Variants in PLXNA4 observed in about 807,000 individuals in gnomAD.
PLXNA4 encodes plexin-A4.
In PLXNA4, 44 loss-of-function variants were observed where a neutral mutation model predicts 191.8. The ratio of observed to expected loss-of-function variants is 0.23; its 90% CI spans 0.18 to 0.29. The LOEUF is 0.29. Ranked by LOEUF, PLXNA4 falls within the 10% of genes least tolerant of loss-of-function variation. The pLI is 1.00. For missense variants in PLXNA4, 1,800 were observed against 2,488.8 expected (o/e 0.72, Z 5.89); for synonymous variants, 1,082 against 1,009.5 (o/e 1.07, Z -1.36).
intron 2 of PLXNA4, among the ~76,000 whole-genome samples, chr7:132,588,144 G>A (rs1331019582): frequency 1.3e-5 from 2 of 152,020 alleles, no homozygotes; most frequent in South Asian, 2.1e-4. Context: ...GGCCTCAGGC[G>A]ATGAACTCAG....
At chr7:132,144,787 G>T (rs1778581209) in intron 29 of PLXNA4, among the ~76,000 whole-genome samples, 2 of 152,188 alleles carry the variant, frequency 1.3e-5, no homozygotes, top group African/African-American at 4.8e-5. Context: ...GCACCCAGGA[G>T]GTACTTGGAT....
At chr7:132,130,829 T>C (rs1419222790) in intron 31 of PLXNA4, among the ~76,000 whole-genome samples, 1 of 152,140 alleles carries the variant, frequency 6.6e-6, no homozygotes, top group Non-Finnish European at 1.5e-5. Context: ...AATGACTGTG[T>C]GCATTCTACT....
rs151267135 is a variant in PLXNA4, at chr7:132,585,911, G to T, written c.-87+60017C>A. Among the ~76,000 whole-genome samples the T allele has an allele frequency of 5.1e-3, 778 of 152,314 alleles. 14 individuals carry two copies. Among genetic ancestry groups the T allele is most frequent in the African/African-American group, 0.018 (752 of 41,554 alleles). ...GCTTCAACATACGAATTGAGAGTGG[G>T]ATGACACATTTAGTCCATAGCAATC... is the stretch of plus-strand genomic sequence containing the variant. On this transcript the variant is annotated intron_variant, in intron 2 of 4. Transcript: ENST00000378539.
chr7:132,323,124 C>G (rs1299803143), intron 3 of PLXNA4, among the ~76,000 whole-genome samples: 1 of 152,226 alleles, frequency 6.6e-6, no homozygotes, highest in African/African-American at 2.4e-5. Flanking sequence ...GACCACTGAA[C>G]TGTGATCCCC....
At chr7:132,347,414 C>A (rs150535010) in intron 3 of PLXNA4, among the ~76,000 whole-genome samples, 2 of 152,164 alleles carry the variant, frequency 1.3e-5, no homozygotes, top group African/African-American at 4.8e-5. Flanking sequence ...TGGATTCCCA[C>A]AAGGGCGAGC....
intron 25 of PLXNA4, among the ~76,000 whole-genome samples, chr7:132,158,653 A>G (rs1370446446): frequency 6.6e-6 from 1 of 152,230 alleles, no homozygotes; most frequent in African/African-American, 2.4e-5. Context: ...TAGGAAACTA[A>G]GGCATACACA....
At chr7:132,366,763 T>C (rs776709181) in intron 3 of PLXNA4, among the ~76,000 whole-genome samples, 25 of 152,170 alleles carry the variant, frequency 1.6e-4, no homozygotes, top group Non-Finnish European at 2.2e-4. Flanking sequence ...TTTTTAATTA[T>C]TTAAAAAAAC....
intron 2 of PLXNA4, among the ~76,000 whole-genome samples, chr7:132,501,639 T>C (rs1022886859): frequency 1.3e-5 from 2 of 152,168 alleles, no homozygotes; most frequent in Admixed American, 1.3e-4. Flanking sequence ...GGATGGGACT[T>C]TTACTGCAAA....
At chr7:132,155,034 T>C (rs1005579118) in intron 25 of PLXNA4, among the ~76,000 whole-genome samples, 1 of 152,218 alleles carries the variant, frequency 6.6e-6, no homozygotes, top group Non-Finnish European at 1.5e-5. Context: ...ACTCAGAAGA[T>C]AGTGTATCTT....
At chr7:132,491,980 G>T (rs571294282) in intron 2 of PLXNA4, among the ~76,000 whole-genome samples, 1 of 152,312 alleles carries the variant, frequency 6.6e-6, no homozygotes, top group South Asian at 2.1e-4. Flanking sequence ...GCAGCCTGGG[G>T]TGCTAGGGGT....
upstream of PLXNA4, among the ~76,000 whole-genome samples, chr7:132,582,009 AAG>A (rs1476065780): frequency 6.6e-6 from 1 of 152,220 alleles, no homozygotes; most frequent in Non-Finnish European, 1.5e-5. Context: ...GGCCAGAAAG[AAG>A]AGAGTCCCAG....
chr7:132,528,699 G>A (rs1345152069), intron 1 of PLXNA4, among the ~76,000 whole-genome samples: 1 of 152,240 alleles, frequency 6.6e-6, no homozygotes, highest in East Asian at 1.9e-4. Context: ...AACTGTGGCA[G>A]ACTTCTTGTG....
intron 21 of PLXNA4, among the ~76,000 whole-genome samples, chr7:132,172,809 T>C (rs1796333208): frequency 6.6e-6 from 1 of 151,644 alleles, no homozygotes; most frequent in African/African-American, 2.4e-5. Context: ...GGAAACCTAC[T>C]TAGATTTGGA....
chr7:132,524,905 C>A (rs1383035402), intron 1 of PLXNA4, among the ~76,000 whole-genome samples: 25 of 152,128 alleles, frequency 1.6e-4, no homozygotes, highest in Non-Finnish European at 1.5e-5. Context: ...ATGTTTAAAA[C>A]TCGTGATAAA....
chr7:132,382,969 A>G (rs201484564), intron 3 of PLXNA4, among the ~76,000 whole-genome samples: 3 of 152,214 alleles, frequency 2.0e-5, no homozygotes, highest in East Asian at 3.8e-4. Flanking sequence ...TTATCCTTAT[A>G]TAGGAATACA....
rs1484032818 is a variant in PLXNA4 at position 132,124,767 on chromosome 7, G to C, written c.*5712C>G. ...AAAGCGGGTGGGAATGGAATAAAGT[G>C]AGGCTCCCGCAACCCAGGATTTTCA... On this transcript the variant is annotated 3_prime_UTR_variant, in exon 32 of 32. Coordinates refer to ENST00000321063, the MANE Select transcript of PLXNA4 (RefSeq NM_020911.2). 6.6e-6 allele frequency: 1 copy of C among 152,214 alleles called. No individual in the cohort carries two copies. The highest frequency in any genetic ancestry group is 1.5e-5 in the Non-Finnish European group (1 of 68,048). 9.4% of individuals were successfully genotyped at this position (152,214 alleles called of 1,614,324 possible). A position where few individuals can be genotyped will look rare whatever the true frequency, so the allele number is the denominator to read the frequency against.
Position 132,124,347 on chromosome 7 carries a change from C to T in PLXNA4, c.*6132G>A, listed in dbSNP as rs570174894. 6.6e-6 allele frequency: 1 copy of T among 152,246 alleles called. No individual in the cohort carries two copies. Among genetic ancestry groups the T allele is most frequent in the East Asian group, 1.9e-4 (1 of 5,174 alleles). 9.4% of individuals were successfully genotyped at this position (152,246 alleles called of 1,614,324 possible). A position where few individuals can be genotyped will look rare whatever the true frequency, so the allele number is the denominator to read the frequency against. On this transcript the variant is annotated 3_prime_UTR_variant, in exon 32 of 32. Coordinates refer to ENST00000321063, the MANE Select transcript of PLXNA4 (RefSeq NM_020911.2). ...ATGAGCACGTGTATCCCATCTTCGT[C>T]CTGTGCCTGGATTGCGGCTGACTTC...
rs10690790 is a variant in PLXNA4 at position 132,365,364 on chromosome 7, TGCGC to T, written c.1372-67146_1372-67143del. On this transcript the variant is annotated intron_variant, in intron 3 of 31. Coordinates refer to ENST00000321063, the MANE Select transcript of PLXNA4 (RefSeq NM_020911.2). Reference sequence around the variant, plus strand: ...GTGTGTGTGTGTGTGTGTGTGTGCGTGCGCGCGCATGCATGGGGCAAGAGTGTGA... The same window carrying T: ...GTGTGTGTGTGTGTGTGTGTGTGCGTGCGCATGCATGGGGCAAGAGTGTGA... Among the ~76,000 whole-genome samples, 5 of 147,320 alleles carry T rather than the reference TGCGC, an allele frequency of 3.4e-5. No homozygotes were observed. In the East Asian group the frequency reaches 1.0e-3, roughly 30 times the overall value.
intron 3 of PLXNA4, among the ~76,000 whole-genome samples, chr7:132,348,671 A>G (rs1803350284): frequency 6.6e-6 from 1 of 152,206 alleles, no homozygotes; most frequent in African/African-American, 2.4e-5. Context: ...ATCAATAGGA[A>G]GCAAAGTAAG....
Sources: gnomAD v4.1 joint callset for allele counts (sites outside exome capture counted in the v4.1 genomes callset) on GRCh38, gnomAD v4.1.1 for gene constraint, MANE v1.5 for transcripts, NCBI Gene and HGNC (gene_info 2026-07-23, HGNC 2026-07-21) for gene names.